Variants in SHTN1 observed in about 807,000 individuals in gnomAD.
The protein encoded by SHTN1 is shootin-1.
SHTN1 carries 42 observed loss-of-function variants against 83.1 expected under a neutral mutation model. That is an observed-to-expected ratio of 0.51 (90% confidence interval 0.39 to 0.65). The LOEUF (loss-of-function observed/expected upper bound fraction) is 0.65. Among genes scored for constraint, SHTN1 ranks in the 30% least tolerant of loss-of-function variants. SHTN1 has a pLI of 0.00. For synonymous variants in SHTN1, 224 were observed against 247.7 expected, an observed-to-expected ratio of 0.90 and a Z score of 0.90; for missense variants, 622 against 737.8, an observed-to-expected ratio of 0.84 and a Z score of 1.82.
At chr10:116,985,555 G>A (rs1851190941) in intron 1 of SHTN1, among the ~76,000 whole-genome samples, 1 of 152,096 alleles carries the variant, frequency 6.6e-6, no homozygotes, top group African/African-American at 2.4e-5. Context: ...AAGGAAGAAT[G>A]GATCTAGGTC....
intron 5 of SHTN1, among the ~76,000 whole-genome samples, 167 bp downstream of exon 5, chr10:116,953,875 C>T (rs952896702): frequency 7.2e-5 from 11 of 152,066 alleles, no homozygotes; most frequent in South Asian, 2.1e-4. Context: ...GTGATCCACC[C>T]GCCTTGGCCT....
At chr10:117,004,981 G>C (rs767392209) in intron 1 of SHTN1, 41 bp downstream of exon 1, 5 of 1,556,094 alleles carry the variant, frequency 3.2e-6, no homozygotes, top group Middle Eastern at 1.9e-4. Flanking sequence ...CCCCGCCCAC[G>C]GGCCGCGGCT....
chr10:117,019,108 G>A (rs1852225509), intron 2 of SHTN1, among the ~76,000 whole-genome samples: 1 of 143,326 alleles, frequency 7.0e-6, no homozygotes, highest in Admixed American at 7.3e-5. Context: ...GTATGTCTAT[G>A]AAATTGCAAC....
intron 1 of SHTN1, among the ~76,000 whole-genome samples, chr10:116,998,870 T>C (rs1396257414): frequency 6.6e-6 from 1 of 152,222 alleles, no homozygotes; most frequent in Non-Finnish European, 1.5e-5. Context: ...ATCTAGGCTC[T>C]CTCAGCTGAC....
rs1242453943 is a variant in SHTN1, at chr10:116,883,085, T to C, written c.*3259A>G. The C allele has an allele frequency of 6.6e-6, 1 of 151,612 alleles. No individual in the cohort carries two copies. The highest frequency in any genetic ancestry group is 1.5e-5 in the Non-Finnish European group (1 of 67,950). The allele number at this position is 151,612 out of a possible 1,614,324, so 9.4% of individuals were successfully genotyped here. ...CAAAAATGTACAATGAATAACAAAA[T>C]AACTAAATTAAATTAACCAAAGAGG... On this transcript the variant is annotated 3_prime_UTR_variant, in exon 17 of 17. Coordinates refer to ENST00000355371, the MANE Select transcript of SHTN1 (RefSeq NM_001127211.3).
In SHTN1 at chr10:116,997,984, CG is replaced by C. The variant is rs1331910652; in HGVS notation, c.58+7037del. ...GCGGGCGCCTGTAGTCCCAGCTACT[CG>C]GGAGGCAGAGGCAGGAGAATGGTGT... On this transcript the variant is annotated intron_variant, in intron 1 of 16. Coordinates refer to ENST00000355371, the MANE Select transcript of SHTN1 (RefSeq NM_001127211.3). 3.3e-5 allele frequency among the ~76,000 whole-genome samples: 5 copies of C among 152,080 alleles called. No homozygotes were observed. The East Asian group carries it at 9.7e-4, about 29-fold the overall frequency.
At chr10:117,031,674 T>C (rs998647337) in intron 2 of SHTN1, among the ~76,000 whole-genome samples, 1 of 152,158 alleles carries the variant, frequency 6.6e-6, no homozygotes, top group Admixed American at 6.5e-5. Context: ...TAAGTTGTTA[T>C]CAGCTTAAAA....
At position 117,043,561 on chromosome 10, in the gene SHTN1, C is replaced by T. The variant is rs186688583; in HGVS notation, c.-123+4884G>A. On this transcript the variant is annotated intron_variant, in intron 2 of 17. Coordinates refer to the SHTN1 transcript ENST00000392901. The stretch of plus-strand genomic sequence containing the variant: ...TGACTCAATAAAGAAGAGAGGGAGG[C>T]CTGGCATGGTGGCTCATGCCTGTAA... 5.9e-5 allele frequency among the ~76,000 whole-genome samples: 9 copies of T among 152,216 alleles called. No homozygotes were observed. In the East Asian group the frequency reaches 1.7e-3, roughly 29 times the overall value.
intron 1 of SHTN1, among the ~76,000 whole-genome samples, chr10:116,981,147 C>T (rs532365648): frequency 1.5e-4 from 23 of 152,212 alleles, no homozygotes; most frequent in African/African-American, 5.5e-4. Flanking sequence ...AGCAAAACCC[C>T]GCCTCTACAA....
chr10:116,998,269 C>G (rs1397247126), intron 1 of SHTN1, among the ~76,000 whole-genome samples: 1 of 152,110 alleles, frequency 6.6e-6, no homozygotes, highest in Non-Finnish European at 1.5e-5. Flanking sequence ...TTCAGAGTTC[C>G]GTCTTTGGAC....
At chr10:117,114,579 T>A (rs1476851051) in intron 1 of SHTN1, among the ~76,000 whole-genome samples, 1 of 152,164 alleles carries the variant, frequency 6.6e-6, no homozygotes, top group Non-Finnish European at 1.5e-5. Flanking sequence ...AGGCCTGACT[T>A]GCCACAGCCC....
intron 2 of SHTN1, among the ~76,000 whole-genome samples, chr10:117,036,308 C>G (rs1177363325): frequency 6.6e-6 from 1 of 152,120 alleles, no homozygotes; most frequent in Non-Finnish European, 1.5e-5. Flanking sequence ...GAAAAAAAAT[C>G]AGTATATTAA....
chr10:117,022,135 A>G (rs1006696804), intron 2 of SHTN1, among the ~76,000 whole-genome samples: 1 of 152,192 alleles, frequency 6.6e-6, no homozygotes, highest in Non-Finnish European at 1.5e-5. Context: ...CTCTATATAT[A>G]GTCTGCCTGA....
chr10:117,062,657 G>C (rs1294623870), intron 1 of SHTN1, among the ~76,000 whole-genome samples: 1 of 152,146 alleles, frequency 6.6e-6, no homozygotes, highest in Non-Finnish European at 1.5e-5. Flanking sequence ...ACATTGTAAT[G>C]TGTTATGACA....
chr10:116,990,084 G>A (rs1851364746), intron 1 of SHTN1, among the ~76,000 whole-genome samples: 1 of 151,948 alleles, frequency 6.6e-6, no homozygotes, highest in Non-Finnish European at 1.5e-5. Context: ...TGGTCAAGAG[G>A]GGAAGGTAAA....
intron 9 of SHTN1, among the ~76,000 whole-genome samples, chr10:116,939,256 C>A (rs1849278849): frequency 6.6e-6 from 1 of 152,168 alleles, no homozygotes; most frequent in Non-Finnish European, 1.5e-5. Context: ...GCCCAAATGG[C>A]CACCCAGTTT....
In SHTN1 at chr10:116,986,722, T is replaced by C. The variant is rs1293805071; in HGVS notation, c.59-7414A>G. ...CATAGCAAAACCCAGTATCCTTTTT[T>C]TTTTTTTTTTTTTTTTTTTGAGACA... On this transcript the variant is annotated intron_variant, in intron 1 of 16. Transcript: ENST00000355371. Among the ~76,000 whole-genome samples the C allele has an allele frequency of 1.8e-3, 62 of 34,408 alleles. 1 individual carries two copies. In the South Asian group the frequency reaches 0.079, roughly 44 times the overall value. The allele number at this position is 34,408 out of a possible 152,430, so 22.6% of individuals were successfully genotyped here.
intron 1 of SHTN1, among the ~76,000 whole-genome samples, chr10:117,124,161 T>C (rs1853972233): frequency 6.9e-6 from 1 of 144,884 alleles, no homozygotes; most frequent in Non-Finnish European, 1.5e-5. Flanking sequence ...CAGTGAGCCA[T>C]GATCTGCACC....
rs768135532 is a variant in SHTN1 at position 116,951,951 on chromosome 10, C to T, written c.492G>A (p.Glu164=). ...VQEEKKILAI[E]LENLKSKLVE... ...CGAGTTTGCTCTTGAGATTTTCCAG[C>T]TCAATGGCTAAAATCTTCTTTTCCT... The change falls in exon 6 of 17, where the codon GAG becomes GAA. Residue 164 remains glutamate, a synonymous_variant. Coordinates refer to ENST00000355371, the MANE Select transcript of SHTN1 (RefSeq NM_001127211.3). 1.9e-6 allele frequency: 3 copies of T among 1,599,278 alleles called. No individual in the cohort carries two copies. In the East Asian group the frequency reaches 6.8e-5, roughly 36 times the overall value.
Sources: allele counts gnomAD v4.1 joint callset (sites outside exome capture counted in the v4.1 genomes callset), GRCh38; gene constraint gnomAD v4.1.1; transcripts MANE v1.5; gene names NCBI Gene and HGNC (gene_info 2026-07-23, HGNC 2026-07-21).